Variants in NCOA2 observed in about 807,000 individuals in gnomAD.
NCOA2 encodes nuclear receptor coactivator 2.
A neutral mutation model predicts 145.1 loss-of-function variants in NCOA2; 21 were observed. That is an observed-to-expected ratio of 0.14 (90% CI 0.10 to 0.21). The LOEUF (loss-of-function observed/expected upper bound fraction) is 0.21, where lower values mean the gene tolerates loss of function less well. NCOA2 is among the 10% of genes least tolerant of loss of function. The pLI is 1.00. For synonymous variants in NCOA2, 619 were observed against 637.5 expected, an observed-to-expected ratio of 0.97 and a Z score of 0.44; for missense variants, 1,472 against 1,837.6, an observed-to-expected ratio of 0.80 and a Z score of 3.64.
At chr8:70,251,166 G>A (rs1048759941) in intron 2 of NCOA2, among the ~76,000 whole-genome samples, 30 of 152,174 alleles carry the variant, frequency 2.0e-4, no homozygotes, top group African/African-American at 7.0e-4. Flanking sequence ...TTTTCTTGAT[G>A]TGTAGGAAAA....
the NCOA2 span, among the ~76,000 whole-genome samples, chr8:70,423,236 T>C: frequency 6.6e-6 from 1 of 152,202 alleles, no homozygotes; most frequent in Non-Finnish European, 1.5e-5. Flanking sequence ...CAGGCTGTAG[T>C]GCAATGGCAC....
intron 4 of NCOA2, among the ~76,000 whole-genome samples, chr8:70,186,076 C>T (rs1414142733): frequency 6.6e-6 from 1 of 152,066 alleles, no homozygotes; most frequent in East Asian, 1.9e-4. Context: ...TACACACTCT[C>T]TCACTCTCTC....
intron 2 of NCOA2, among the ~76,000 whole-genome samples, chr8:70,218,798 G>C (rs1819884261): frequency 6.6e-6 from 1 of 152,112 alleles, no homozygotes. Flanking sequence ...ACAAACTTAA[G>C]AAAGTTTCTA....
intron 11 of NCOA2, among the ~76,000 whole-genome samples, chr8:70,154,940 T>C (rs893111645): frequency 2.0e-5 from 3 of 152,200 alleles, no homozygotes; most frequent in Non-Finnish European, 4.4e-5. Context: ...TAAGTGTTTG[T>C]ACCCCAAAAA....
chr8:70,330,958 T>C (rs1807043342), intron 1 of NCOA2, among the ~76,000 whole-genome samples: 1 of 152,324 alleles, frequency 6.6e-6, no homozygotes. Context: ...ATTTCTCTCC[T>C]AAATAAGAAC....
At chr8:70,139,305 T>C (rs1810104377) in intron 14 of NCOA2, among the ~76,000 whole-genome samples, 1 of 152,210 alleles carries the variant, frequency 6.6e-6, no homozygotes, top group African/African-American at 2.4e-5. Context: ...AGAGCCATAT[T>C]TCCAGCTCAA....
Position 70,157,153 on chromosome 8 carries a change from G to C in NCOA2, c.1212C>G (p.Ala404=), listed in dbSNP as rs760108155. Reference sequence around the variant, plus strand: ...GGTTCCCACTGCACAGGGCCTGATGGGCAGGGCTGTTAGAGCTAATTGGAT... The same window carrying C: ...GGTTCCCACTGCACAGGGCCTGATGCGCAGGGCTGTTAGAGCTAATTGGAT... ...PLNPISSNSP[A]HQALCSGNPG... The change falls in exon 11 of 23, where the codon GCC becomes GCG. Residue 404 remains alanine (A), a synonymous_variant. Transcript: ENST00000452400. 1.1e-5 allele frequency: 18 copies of C among 1,611,392 alleles called. No individual in the cohort carries two copies. Among genetic ancestry groups the C allele is most frequent in the Non-Finnish European group, 1.5e-5 (18 of 1,178,240 alleles).
At chr8:70,145,400 C>A (rs978207827) in intron 12 of NCOA2, among the ~76,000 whole-genome samples, 1 of 151,870 alleles carries the variant, frequency 6.6e-6, no homozygotes, top group Admixed American at 6.6e-5. Context: ...TCTCGGCTCA[C>A]TGCAACCTCT....
the NCOA2 span, among the ~76,000 whole-genome samples, chr8:70,415,289 A>G: frequency 6.6e-6 from 1 of 151,078 alleles, no homozygotes; most frequent in African/African-American, 2.5e-5. Flanking sequence ...TGTTCACACC[A>G]CTGCACTCCA....
intron 2 of NCOA2, among the ~76,000 whole-genome samples, chr8:70,217,166 GC>G (rs2133953815): frequency 6.6e-6 from 1 of 152,304 alleles, no homozygotes; most frequent in African/African-American, 2.4e-5. Flanking sequence ...TTTTGGGTTA[GC>G]CAATGTGAAG....
intron 2 of NCOA2, among the ~76,000 whole-genome samples, chr8:70,228,112 G>A (rs988071251): frequency 2.0e-5 from 3 of 151,636 alleles, no homozygotes; most frequent in Middle Eastern, 3.2e-3. Context: ...TTTTACAAAC[G>A]GAATTTGAAA....
At chr8:70,357,210 T>TCTC (rs1293100776) in intron 1 of NCOA2, 1 of 151,924 alleles carries the variant, frequency 6.6e-6, no homozygotes, top group African/African-American at 2.4e-5. Context: ...ACCAGTTGTG[T>TCTC]CTCTATATGC....
At chr8:70,157,272 T>A (rs763999239) in intron 10 of NCOA2, 32 bp from the exon 11 acceptor site, 1 of 1,497,296 alleles carries the variant, frequency 6.7e-7, no homozygotes, top group East Asian at 2.3e-5. Context: ...AAATGTAAGA[T>A]AAAAGGAAAA....
chr8:70,281,894 CATTA>C (rs1825911773), intron 2 of NCOA2, among the ~76,000 whole-genome samples: 1 of 152,210 alleles, frequency 6.6e-6, no homozygotes, highest in Non-Finnish European at 1.5e-5. Flanking sequence ...TGTGGTTCAT[CATTA>C]TTTATTATTC....
chr8:70,147,110 T>TCGCGCGCG (rs71758835), intron 12 of NCOA2, among the ~76,000 whole-genome samples: 3 of 149,566 alleles, frequency 2.0e-5, no homozygotes, highest in African/African-American at 5.0e-5. Context: ...TGCAAATCTT[T>TCGCGCGCG]CGCGCGCGCG....
chr8:70,179,403 ATAT>A (rs1286760773), intron 4 of NCOA2, among the ~76,000 whole-genome samples: 1 of 152,156 alleles, frequency 6.6e-6, no homozygotes, highest in Non-Finnish European at 1.5e-5. Context: ...TTGAGCCTTG[ATAT>A]TATACCGGAG....
intron 1 of NCOA2, among the ~76,000 whole-genome samples, chr8:70,388,873 G>T (rs1812915259): frequency 6.6e-6 from 1 of 152,182 alleles, no homozygotes; most frequent in South Asian, 2.1e-4. Flanking sequence ...CAATTACTTA[G>T]TGGAGAGAGA....
intron 1 of NCOA2, among the ~76,000 whole-genome samples, chr8:70,307,427 G>T (rs80081480): frequency 0.032 from 4,860 of 152,152 alleles, 249 homozygotes; most frequent in African/African-American, 0.11. Flanking sequence ...CAAACTGGGG[G>T]TCCCAGAGAC....
chr8:70,326,181 A>G (rs1458493787), intron 1 of NCOA2, among the ~76,000 whole-genome samples: 2 of 152,222 alleles, frequency 1.3e-5, no homozygotes, highest in African/African-American at 4.8e-5. Flanking sequence ...TACATGTAAT[A>G]TAAACTGTAA....
Sources: gnomAD v4.1 joint callset for allele counts (sites outside exome capture counted in the v4.1 genomes callset) on GRCh38, gnomAD v4.1.1 for gene constraint, MANE v1.5 for transcripts, NCBI Gene and HGNC (gene_info 2026-07-23, HGNC 2026-07-21) for gene names.